Variants in RBM14 observed in about 807,000 individuals in gnomAD.
RBM14 encodes the protein RNA binding motif protein 14, also known as RNA-binding protein 14.
In RBM14, 5 loss-of-function variants were observed where a neutral mutation model predicts 52.8. That is an observed-to-expected ratio of 0.09 (90% CI 0.05 to 0.20). RBM14 has a LOEUF of 0.20. Ranked by LOEUF, RBM14 falls within the 10% of genes least tolerant of loss-of-function variation. The probability of loss-of-function intolerance (pLI) is 1.00; values close to 1 mark genes in which losing one functional copy is unlikely to be tolerated. For missense variants in RBM14, 780 were observed against 926.6 expected (o/e 0.84, Z 2.05); for synonymous variants, 411 against 401.8 (o/e 1.02, Z -0.28).
rs1306348467 is a variant in RBM14, at chr11:66,629,466, C to G, written c.*2798C>G. On this transcript the variant is annotated 3_prime_UTR_variant, in exon 3 of 3. Transcript: ENST00000310137. The stretch of plus-strand genomic sequence containing the variant: ...ATGGGACTATCACTGAGGGGTTCAG[C>G]CTATCCAGGTAGGCTACCGTTCTAG... 6.6e-6 allele frequency among the ~76,000 whole-genome samples: 1 copy of G among 152,168 alleles called. No homozygotes were observed. The highest frequency in any genetic ancestry group is 1.5e-5 in the Non-Finnish European group (1 of 68,024).
Position 66,629,917 on chromosome 11 carries a change from A to AAC in RBM14, c.*3250_*3251insCA, listed in dbSNP as rs1169312636. On this transcript the variant is annotated 3_prime_UTR_variant, in exon 3 of 3. Coordinates refer to ENST00000310137, the MANE Select transcript of RBM14 (RefSeq NM_006328.4). Reference sequence around the variant, plus strand: ...TACGGTGAGACCTTGTCTCTACCAAAAGAAAAGAAAAAAAAAAGCCAGCTG... The same window carrying AAC: ...TACGGTGAGACCTTGTCTCTACCAAAACAGAAAAGAAAAAAAAAAGCCAGCTG... 1.3e-5 allele frequency among the ~76,000 whole-genome samples: 1 copy of AAC among 76,556 alleles called. No homozygotes were observed. The highest frequency in any genetic ancestry group is 3.4e-5 in the Non-Finnish European group (1 of 29,734). The allele number at this position is 76,556 out of a possible 152,430, so 50.2% of individuals were successfully genotyped here.
rs1429120958 is a variant in RBM14 at position 66,625,502 on chromosome 11, C to T, written c.1626C>T (p.Gly542=). The part of the protein sequence containing the change: ...QHPQAAASYR[G]QPGNAYDGAG... ...CCCAGGCTGCTGCCTCCTACCGCGG[C>T]CAGCCAGGCAATGCCTACGATGGGG... Residue 542 remains glycine (G), a synonymous_variant, in exon 2 of 3, where the codon GGC becomes GGT. Coordinates refer to ENST00000310137, the MANE Select transcript of RBM14 (RefSeq NM_006328.4). The surrounding 1 kb of genome is among the most constrained non-coding windows in gnomAD (Gnocchi z 4.2). 1.9e-6 allele frequency: 3 copies of T among 1,612,700 alleles called. No homozygotes were observed. Among genetic ancestry groups the T allele is most frequent in the East Asian group, 4.5e-5 (2 of 44,850 alleles).
In RBM14 at chr11:66,617,014, C is replaced by T. The variant is rs768792659; in HGVS notation, c.294C>T (p.Leu98=). The T allele has an allele frequency of 4.7e-5, 75 of 1,606,146 alleles. No individual in the cohort carries two copies. The highest frequency in any genetic ancestry group is 6.3e-5 in the Non-Finnish European group (74 of 1,175,686). Residue 98 remains leucine (L), a synonymous_variant, in exon 1 of 3, where the codon CTC becomes CTT. Coordinates refer to ENST00000310137, the MANE Select transcript of RBM14 (RefSeq NM_006328.4). The part of the protein sequence containing the change: ...AACTSQELRS[L]FERRGRVIEC... ...GCACGAGCCAGGAACTGCGCAGCCT[C>T]TTCGAGCGCCGCGGACGCGTCATCG... is the stretch of plus-strand genomic sequence containing the variant.
rs775478422 is a variant in RBM14, at chr11:66,627,580, C to T, written c.*912C>T. Reference sequence around the variant, plus strand: ...AGGTGGCCTGGTCCTCAGCCCTCAACTTGAGTTAGTCACACCAAAATGCAG... The same window carrying T: ...AGGTGGCCTGGTCCTCAGCCCTCAATTTGAGTTAGTCACACCAAAATGCAG... On this transcript the variant is annotated 3_prime_UTR_variant, in exon 3 of 3. Transcript: ENST00000310137. Among the ~76,000 whole-genome samples the T allele has an allele frequency of 5.3e-5, 8 of 152,208 alleles. No homozygotes were observed. Among genetic ancestry groups the T allele is most frequent in the Admixed American group, 5.2e-4 (8 of 15,282 alleles).
chr11:66,619,844 G>A (rs1859021965), intron 1 of RBM14, among the ~76,000 whole-genome samples: 1 of 152,246 alleles, frequency 6.6e-6, no homozygotes, highest in Admixed American at 6.5e-5. Flanking sequence ...GGGATTACAG[G>A]CGCAAGCCAC....
In RBM14 at chr11:66,624,174, GC is replaced by G; in HGVS notation, c.338-34del. ...TGGGACCCATCAGGTAGCATGCCCT[GC>G]CCCCCTAATTGCTAACCCTCTGTCT... On this transcript the variant is annotated intron_variant, in intron 1 of 2. Coordinates refer to ENST00000310137, the MANE Select transcript of RBM14 (RefSeq NM_006328.4). This position sits in a 1 kb window ranked among gnomAD's most constrained non-coding sequence, Gnocchi z 4.7. The G allele has an allele frequency of 6.5e-7, 1 of 1,544,680 alleles. No homozygotes were observed. Among genetic ancestry groups the G allele is most frequent in the Non-Finnish European group, 8.7e-7 (1 of 1,143,514 alleles).
chr11:66,628,311 C>A lies in RBM14; in HGVS notation c.*1643C>A, dbSNP rs184901581. 1.3e-5 allele frequency among the ~76,000 whole-genome samples: 2 copies of A among 152,210 alleles called. No homozygotes were observed. The highest frequency in any genetic ancestry group is 6.5e-5 in the Admixed American group (1 of 15,288). On this transcript the variant is annotated 3_prime_UTR_variant, in exon 3 of 3. Coordinates refer to ENST00000310137, the MANE Select transcript of RBM14 (RefSeq NM_006328.4). ...TTTGGGAAAAGGTGCTTTAAAGACT[C>A]GATTTGGGAGCCTACTGGGGCAAGG...
chr11:66,617,286 T>C, intron 1 of RBM14: 1 of 1,326,752 alleles, frequency 7.5e-7, no homozygotes, highest in Non-Finnish European at 9.6e-7. Flanking sequence ...CGGCGGCCAC[T>C]GCGAGCCAAG....
rs188249723 is a variant in RBM14, at chr11:66,629,246, C to G, written c.*2578C>G. 6.6e-6 allele frequency among the ~76,000 whole-genome samples: 1 copy of G among 151,588 alleles called. No individual in the cohort carries two copies. The highest frequency in any genetic ancestry group is 1.5e-5 in the Non-Finnish European group (1 of 67,818). On this transcript the variant is annotated 3_prime_UTR_variant, in exon 3 of 3. Transcript: ENST00000310137. ...TGTGTGTTTTGGAAAAATGGACTCT[C>G]TATCTTCAGATTATTCAGCTTCTCC...
At position 66,625,169 on chromosome 11, in the gene RBM14, C is replaced by G. The variant is rs780364804; in HGVS notation, c.1293C>G (p.Ala431=). The change falls in exon 2 of 3, where the codon GCC becomes GCG. Residue 431 remains alanine (A), a synonymous_variant. Coordinates refer to ENST00000310137, the MANE Select transcript of RBM14 (RefSeq NM_006328.4). The surrounding 1 kb of genome is among the most constrained non-coding windows in gnomAD (Gnocchi z 4.2). The stretch of plus-strand genomic sequence containing the variant: ...CTTCCTACTCTTCCCAACCTGCTGC[C>G]TATGTGGCACAGCCAGCCACAGCTG... ...QAASYSSQPA[A]YVAQPATAAA... 2 of 1,612,438 alleles carry G rather than the reference C, an allele frequency of 1.2e-6. No homozygotes were observed. The highest frequency in any genetic ancestry group is 1.7e-5 in the Admixed American group (1 of 59,988).
At position 66,628,552 on chromosome 11, in the gene RBM14, T is replaced by C. The variant is rs1001305980; in HGVS notation, c.*1884T>C. 1.2e-4 allele frequency among the ~76,000 whole-genome samples: 18 copies of C among 152,172 alleles called. No homozygotes were observed. The highest frequency in any genetic ancestry group is 4.3e-4 in the African/African-American group (18 of 41,424). On this transcript the variant is annotated 3_prime_UTR_variant, in exon 3 of 3. Transcript: ENST00000310137. ...TCTCAGGGAGTACTGGGGCCATGGCTCTTTCCCTTGCTTCTCTTTCTGCTC... is the reference window on the plus strand; with the variant it reads ...TCTCAGGGAGTACTGGGGCCATGGCCCTTTCCCTTGCTTCTCTTTCTGCTC...
chr11:66,625,516 C>T lies in RBM14; in HGVS notation c.1640C>T (p.Ala547Val). The T allele has an allele frequency of 6.2e-7, 1 of 1,612,776 alleles. No homozygotes were observed. Among genetic ancestry groups the T allele is most frequent in the African/African-American group, 1.3e-5 (1 of 75,030 alleles). ...TCCTACCGCGGCCAGCCAGGCAATG[C>T]CTACGATGGGGCAGGTCAGCCGTCT... ...AASYRGQPGNAYDGAGQPSAA... is the reference protein window; with the variant it reads ...AASYRGQPGNVYDGAGQPSAA... The change falls in exon 2 of 3, where the codon GCC becomes GTC. Residue 547 changes from alanine (A) to valine (V), a missense_variant. Around this residue, in one of 4 missense-constraint regions of RBM14, gnomAD observed 675 missense variants for 697.3 expected, o/e 0.97. Transcript: ENST00000310137. This position sits in a 1 kb window ranked among gnomAD's most constrained non-coding sequence, Gnocchi z 4.2.
At position 66,625,689 on chromosome 11, in the gene RBM14, C is replaced by T. The variant is rs555383852; in HGVS notation, c.1802+11C>T. 2.2e-5 allele frequency: 34 copies of T among 1,565,358 alleles called. No individual in the cohort carries two copies. The highest frequency in any genetic ancestry group is 2.1e-4 in the South Asian group (18 of 86,580). ...CGCCATGTCGAAAAGGTACTGTATG[C>T]CCCCCCGCCTCTGCCCCCAGCTGGG... On this transcript the variant is annotated intron_variant, in intron 2 of 2. Coordinates refer to ENST00000310137, the MANE Select transcript of RBM14 (RefSeq NM_006328.4). This position sits in a 1 kb window ranked among gnomAD's most constrained non-coding sequence, Gnocchi z 4.2.
chr11:66,627,843 A>AT lies in RBM14; in HGVS notation c.*1176dup, dbSNP rs1202235356. Among the ~76,000 whole-genome samples the AT allele has an allele frequency of 6.6e-6, 1 of 152,108 alleles. No individual in the cohort carries two copies. The highest frequency in any genetic ancestry group is 2.4e-5 in the African/African-American group (1 of 41,402). On this transcript the variant is annotated 3_prime_UTR_variant, in exon 3 of 3. Coordinates refer to ENST00000310137, the MANE Select transcript of RBM14 (RefSeq NM_006328.4). ...GGAGTGGGGGTAATGGCGTTGCCTG[A>AT]TACTGCCCTATGGTTGGAATAAGGA... is the stretch of plus-strand genomic sequence containing the variant.
rs1284090698 is a variant in RBM14, at chr11:66,624,293, C to G, written c.417C>G (p.Gly139=). 3.1e-6 allele frequency: 5 copies of G among 1,613,278 alleles called. No individual in the cohort carries two copies. The Admixed American group carries it at 8.3e-5, about 27-fold the overall frequency. Residue 139 remains glycine, a synonymous_variant, in exon 2 of 3, where the codon GGC becomes GGG. Transcript: ENST00000310137. The surrounding 1 kb of genome is among the most constrained non-coding windows in gnomAD (Gnocchi z 4.7). ...AGCTCAACGGCAAAGAAGTGAAGGG[C>G]AAGCGCATCAACGTGGAACTCTCCA... ...IAQLNGKEVK[G]KRINVELSTK...
chr11:66,624,141 G>T lies in RBM14; in HGVS notation c.338-73G>T. ...TGGCAACAGCTGGGTGCTGTTGTGT[G>T]TCCAATTTGGGACCCATCAGGTAGC... is the stretch of plus-strand genomic sequence containing the variant. On this transcript the variant is annotated intron_variant, in intron 1 of 2. Transcript: ENST00000310137. The surrounding 1 kb of genome is among the most constrained non-coding windows in gnomAD (Gnocchi z 4.7). The T allele has an allele frequency of 1.3e-6, 2 of 1,540,374 alleles. No individual in the cohort carries two copies. Among genetic ancestry groups the T allele is most frequent in the Non-Finnish European group, 1.8e-6 (2 of 1,142,818 alleles).
chr11:66,616,762 T>G lies in RBM14; in HGVS notation c.42T>G (p.Thr14=), dbSNP rs1454319503. 2 of 1,603,862 alleles carry G rather than the reference T, an allele frequency of 1.2e-6. No homozygotes were observed. The highest frequency in any genetic ancestry group is 1.7e-6 in the Non-Finnish European group (2 of 1,173,052). The change falls in exon 1 of 3, where the codon ACT becomes ACG. Residue 14 remains threonine (T), a synonymous_variant. Coordinates refer to ENST00000310137, the MANE Select transcript of RBM14 (RefSeq NM_006328.4). ...FVGNVDGADT[T]PEELAALFAP... is the part of the protein sequence containing the mutation. ...GCAACGTCGACGGGGCGGATACGACTCCGGAGGAGCTGGCAGCCCTCTTTG... is the reference window on the plus strand; with the variant it reads ...GCAACGTCGACGGGGCGGATACGACGCCGGAGGAGCTGGCAGCCCTCTTTG...
intron 1 of RBM14, among the ~76,000 whole-genome samples, chr11:66,621,470 C>T (rs897179394): frequency 3.3e-5 from 5 of 152,042 alleles, no homozygotes; most frequent in Admixed American, 6.6e-5. Flanking sequence ...CTCCGCCTCC[C>T]GGGTTAAAGT....
Position 66,625,277 on chromosome 11 carries a change from G to T in RBM14, c.1401G>T (p.Val467=). The change falls in exon 2 of 3, where the codon GTG becomes GTT. Residue 467 remains valine, a synonymous_variant. Transcript: ENST00000310137. This position sits in a 1 kb window ranked among gnomAD's most constrained non-coding sequence, Gnocchi z 4.2. The part of the protein sequence containing the change: ...MAGSYGAQPV[V]QTQLNSYGAQ... ...GCTCCTATGGGGCCCAGCCGGTTGTGCAGACCCAGCTGAATAGTTACGGGG... is the reference window on the plus strand; with the variant it reads ...GCTCCTATGGGGCCCAGCCGGTTGTTCAGACCCAGCTGAATAGTTACGGGG... 6.2e-7 allele frequency: 1 copy of T among 1,612,566 alleles called. No homozygotes were observed. The highest frequency in any genetic ancestry group is 8.5e-7 in the Non-Finnish European group (1 of 1,179,738).
Sources: gnomAD v4.1 joint callset for allele counts (sites outside exome capture counted in the v4.1 genomes callset) on GRCh38, gnomAD v4.1.1 for gene constraint, gnomAD v4.1.1 regional missense constraint, Gnocchi (gnomAD v3.1) non-coding constraint, MANE v1.5 for transcripts, NCBI Gene and HGNC (gene_info 2026-07-23, HGNC 2026-07-21) for gene names.